Variants in DIS3L2 observed in about 807,000 individuals in gnomAD.
DIS3L2 encodes DIS3-like exonuclease 2.
DIS3L2 carries 34 observed loss-of-function variants against 97.5 expected under a neutral mutation model. That is an observed-to-expected ratio of 0.35 (90% CI 0.27 to 0.46). The LOEUF is 0.46. Among genes scored for constraint, DIS3L2 ranks in the 20% least tolerant of loss-of-function variants. The pLI is 1.00. For synonymous variants in DIS3L2, 435 were observed against 445.2 expected (o/e 0.98, Z 0.29); for missense variants, 1,038 against 1,146.0 (o/e 0.91, Z 1.36).
In DIS3L2 at chr2:232,336,711, G is replaced by A. The variant is rs1466730657; in HGVS notation, c.*81G>A. Reference sequence around the variant, plus strand: ...TTAGGACCTGTTGACACGGAGGGGGGTTTTTAATTTGGTTTTTAACAACTC... The same window carrying A: ...TTAGGACCTGTTGACACGGAGGGGGATTTTTAATTTGGTTTTTAACAACTC... On this transcript the variant is annotated 3_prime_UTR_variant, in exon 21 of 21. Transcript: ENST00000325385. The A allele has an allele frequency of 9.2e-6, 14 of 1,514,890 alleles. No homozygotes were observed. The highest frequency in any genetic ancestry group is 1.1e-5 in the Non-Finnish European group (13 of 1,143,034). The allele number at this position is 1,514,890 out of a possible 1,614,324, so 93.8% of individuals were successfully genotyped here. A position where few individuals can be genotyped will look rare whatever the true frequency, so the allele number is the denominator to read the frequency against.
chr2:232,116,625 A>G (rs1000299279), intron 6 of DIS3L2, among the ~76,000 whole-genome samples: 2 of 152,148 alleles, frequency 1.3e-5, no homozygotes, highest in Non-Finnish European at 2.9e-5. Context: ...ACCTGTTGAG[A>G]TTTTTAAAAA....
intron 9 of DIS3L2, among the ~76,000 whole-genome samples, chr2:232,197,073 C>T (rs568051598): frequency 3.2e-4 from 49 of 152,036 alleles, no homozygotes; most frequent in Non-Finnish European, 4.9e-4. Context: ...CTTTCAACAG[C>T]AGGTTCTGAA....
intron 1 of DIS3L2, among the ~76,000 whole-genome samples, chr2:232,006,439 A>G (rs993121362): frequency 6.6e-6 from 1 of 152,222 alleles, no homozygotes; most frequent in Non-Finnish European, 1.5e-5. Context: ...ACTAATGGAG[A>G]AAAAGAGATT....
chr2:232,250,004 C>T (rs1036461007), intron 12 of DIS3L2, among the ~76,000 whole-genome samples: 7 of 152,176 alleles, frequency 4.6e-5, no homozygotes, highest in South Asian at 2.1e-4. Context: ...CTGTGCCTGT[C>T]GTCGGGATGT....
intron 6 of DIS3L2, among the ~76,000 whole-genome samples, chr2:232,102,721 T>A (rs905628666): frequency 2.0e-5 from 3 of 152,186 alleles, no homozygotes; most frequent in Non-Finnish European, 4.4e-5. Flanking sequence ...AAATAAAACA[T>A]TGGGTGAAAG....
chr2:232,130,118 G>C (rs1484480905), intron 6 of DIS3L2, among the ~76,000 whole-genome samples: 1 of 151,868 alleles, frequency 6.6e-6, no homozygotes, highest in Non-Finnish European at 1.5e-5. Flanking sequence ...GGAAAATCAG[G>C]GTTGGGTTTT....
rs547121356 is a variant in DIS3L2 at position 232,105,780 on chromosome 2, G to A, written c.601+18059G>A. On this transcript the variant is annotated intron_variant, in intron 6 of 20. Transcript: ENST00000325385. Reference sequence around the variant, plus strand: ...GTTCATCCTGTTATCTGGAAACAGGGATTCCCAGGCTCCCAACATGTCAGT... The same window carrying A: ...GTTCATCCTGTTATCTGGAAACAGGAATTCCCAGGCTCCCAACATGTCAGT... Among the ~76,000 whole-genome samples the A allele has an allele frequency of 3.7e-4, 56 of 152,306 alleles. No individual in the cohort carries two copies. In the South Asian group the frequency reaches 0.011, roughly 30 times the overall value.
chr2:232,167,700 TA>T (rs1033346772), intron 9 of DIS3L2, among the ~76,000 whole-genome samples: 1 of 152,134 alleles, frequency 6.6e-6, no homozygotes, highest in African/African-American at 2.4e-5. Flanking sequence ...GTTTTTAGAT[TA>T]AAAAAATAGA....
chr2:232,083,208 C>CGTATG, intron 5 of DIS3L2, among the ~76,000 whole-genome samples: 1 of 151,620 alleles, frequency 6.6e-6, no homozygotes, highest in South Asian at 2.1e-4. Flanking sequence ...TCTTAAACTT[C>CGTATG]GTATGCATGA....
intron 5 of DIS3L2, among the ~76,000 whole-genome samples, chr2:232,077,038 G>A (rs1260017335): frequency 6.6e-6 from 1 of 152,120 alleles, no homozygotes; most frequent in Non-Finnish European, 1.5e-5. Context: ...TTCTTCTCCT[G>A]TGTCTCTGAA....
At chr2:232,336,380 C>T in intron 20 of DIS3L2, 89 bp from the exon 21 acceptor site, 2 of 1,550,268 alleles carry the variant, frequency 1.3e-6, no homozygotes, top group Non-Finnish European at 8.7e-7. Flanking sequence ...AAGGAGGGGC[C>T]AGGGGTCCTG....
At chr2:232,214,113 A>AT (rs2106222834) in intron 10 of DIS3L2, among the ~76,000 whole-genome samples, 1 of 152,316 alleles carries the variant, frequency 6.6e-6, no homozygotes, top group African/African-American at 2.4e-5. Context: ...GAGTGGCGTT[A>AT]TAGTGATAAC....
chr2:232,208,266 T>C (rs985604601), intron 9 of DIS3L2, among the ~76,000 whole-genome samples: 1 of 151,952 alleles, frequency 6.6e-6, no homozygotes, highest in Non-Finnish European at 1.5e-5. Context: ...GTTCCTCTCC[T>C]CTTCTTCTCC....
chr2:232,042,983 C>A (rs1330738545), intron 5 of DIS3L2, among the ~76,000 whole-genome samples: 5 of 152,162 alleles, frequency 3.3e-5, no homozygotes, highest in Non-Finnish European at 5.9e-5. Flanking sequence ...CATGATAATT[C>A]AGATTTACTT....
intron 3 of DIS3L2, among the ~76,000 whole-genome samples, chr2:232,023,424 G>A (rs1395213448): frequency 2.0e-5 from 3 of 152,078 alleles, no homozygotes; most frequent in Non-Finnish European, 4.4e-5. Context: ...GTCTTTAAAC[G>A]TTTTAGGGAG....
chr2:232,012,584 A>G (rs1420406652), intron 1 of DIS3L2, among the ~76,000 whole-genome samples: 1 of 152,054 alleles, frequency 6.6e-6, no homozygotes, highest in African/African-American at 2.4e-5. Flanking sequence ...TAGTGGTAGC[A>G]TACCCTGATC....
chr2:232,179,868 G>T (rs1691216212), intron 9 of DIS3L2, among the ~76,000 whole-genome samples: 1 of 121,656 alleles, frequency 8.2e-6, no homozygotes, highest in Non-Finnish European at 1.6e-5. Flanking sequence ...GAATGTGTTT[G>T]CTCTTGCTTT....
At chr2:232,169,139 G>A (rs1221898877) in intron 9 of DIS3L2, among the ~76,000 whole-genome samples, 1 of 152,136 alleles carries the variant, frequency 6.6e-6, no homozygotes, top group African/African-American at 2.4e-5. Context: ...GAGGTCCACT[G>A]CTTTCAAAGA....
At chr2:232,250,433 G>T (rs1050382103) in intron 12 of DIS3L2, among the ~76,000 whole-genome samples, 2 of 151,994 alleles carry the variant, frequency 1.3e-5, no homozygotes, top group African/African-American at 4.8e-5. Context: ...AGATGGATGA[G>T]TGTAACTGAC....
Sources: gnomAD v4.1 joint callset for allele counts (sites outside exome capture counted in the v4.1 genomes callset) on GRCh38, gnomAD v4.1.1 for gene constraint, MANE v1.5 for transcripts, NCBI Gene and HGNC (gene_info 2026-07-23, HGNC 2026-07-21) for gene names.